Variants in DNAAF9 observed in about 807,000 individuals in gnomAD.
DNAAF9 encodes shulin.
Under a neutral mutation model 167.0 loss-of-function variants are expected in DNAAF9, and 90 were observed. The observed-to-expected ratio is 0.54, with a 90% CI of 0.45 to 0.64. The LOEUF (loss-of-function observed/expected upper bound fraction) is 0.64. Ranked by LOEUF, DNAAF9 falls within the 30% of genes least tolerant of loss-of-function variation. DNAAF9 has a pLI of 0.00. For synonymous variants in DNAAF9, 491 were observed against 508.8 expected (o/e 0.96, Z 0.47); for missense variants, 1,315 against 1,442.2 (o/e 0.91, Z 1.43).
Position 3,268,897 on chromosome 20 carries a change from CTTTT to C in DNAAF9, c.2786+1526_2786+1529del, listed in dbSNP as rs386393120. 8.3e-3 allele frequency among the ~76,000 whole-genome samples: 714 copies of C among 85,816 alleles called. 2 individuals carry two copies. The highest frequency in any genetic ancestry group is 0.02 in the Middle Eastern group (2 of 100). 56.3% of individuals were successfully genotyped at this position (85,816 alleles called of 152,430 possible). A position where few individuals can be genotyped will look rare whatever the true frequency, so the allele number is the denominator to read the frequency against. Reference sequence around the variant, plus strand: ...GTAAAGAGATAATATCTCTATGTTACTTTTTTTTTTTTTTTTTTTTTTTTGAGAC... The same window carrying C: ...GTAAAGAGATAATATCTCTATGTTACTTTTTTTTTTTTTTTTTTTTGAGAC... On this transcript the variant is annotated intron_variant, in intron 30 of 36. Coordinates refer to ENST00000252032, the MANE Select transcript of DNAAF9 (RefSeq NM_001009984.3).
chr20:3,351,778 T>C (rs1258388891), intron 7 of DNAAF9, among the ~76,000 whole-genome samples: 6 of 152,212 alleles, frequency 3.9e-5, no homozygotes, highest in Admixed American at 3.9e-4. Flanking sequence ...TGCTTTGCTT[T>C]ACAATAAGTT....
intron 20 of DNAAF9, among the ~76,000 whole-genome samples, chr20:3,305,710 G>A (rs891698547): frequency 3.3e-4 from 50 of 152,158 alleles, no homozygotes; most frequent in Admixed American, 1.3e-4. Flanking sequence ...CAGGGGACAG[G>A]AGAAGTGAAG....
intron 20 of DNAAF9, among the ~76,000 whole-genome samples, chr20:3,309,926 G>C (rs1369922979): frequency 6.6e-6 from 1 of 152,120 alleles, no homozygotes; most frequent in Non-Finnish European, 1.5e-5. Flanking sequence ...TGGGCGCAGT[G>C]GCTCACGTGT....
At chr20:3,302,619 G>T (rs1906558955) in intron 21 of DNAAF9, among the ~76,000 whole-genome samples, 1 of 152,166 alleles carries the variant, frequency 6.6e-6, no homozygotes, top group Non-Finnish European at 1.5e-5. Flanking sequence ...AGAGAACACA[G>T]CTATTTACAT....
At chr20:3,379,303 T>C (rs940285466) in intron 3 of DNAAF9, among the ~76,000 whole-genome samples, 3 of 151,078 alleles carry the variant, frequency 2.0e-5, no homozygotes, top group African/African-American at 7.3e-5. Flanking sequence ...ATGGGATGAA[T>C]ACGTAACCTA....
intron 27 of DNAAF9, among the ~76,000 whole-genome samples, chr20:3,285,848 C>T (rs191837362): frequency 7.1e-6 from 1 of 141,092 alleles, no homozygotes; most frequent in Non-Finnish European, 1.5e-5. Context: ...GGTGTGGTGG[C>T]GTGTGCCTGC....
chr20:3,287,689 G>A lies in DNAAF9; in HGVS notation c.2429C>T (p.Ser810Phe). Residue 810 changes from serine to phenylalanine, a missense_variant, in exon 27 of 37, where the codon TCT becomes TTT. Physicochemically the swap from Ser to Phe is radical, Grantham distance 155 (BLOSUM62 -2). Coordinates refer to ENST00000252032, the MANE Select transcript of DNAAF9 (RefSeq NM_001009984.3). ...SSALEAQQNRSARQSAYIRKK... is the reference protein window; with the variant it reads ...SSALEAQQNRFARQSAYIRKK... ...GCGGATGTAGGCTGACTGGCGCGCA[G>A]AGCGGTTCTGCTGGGCCTCTAGGGC... 1 of 1,614,258 alleles carries A rather than the reference G, an allele frequency of 6.2e-7. No individual in the cohort carries two copies. The highest frequency in any genetic ancestry group is 8.5e-7 in the Non-Finnish European group (1 of 1,180,024).
At chr20:3,278,826 G>A in intron 29 of DNAAF9, 86 bp downstream of exon 29, 1 of 989,850 alleles carries the variant, frequency 1.0e-6, no homozygotes, top group Non-Finnish European at 1.6e-6. Flanking sequence ...TTTCAGAATG[G>A]TAGGTAAGAG....
In DNAAF9 at chr20:3,297,923, T is replaced by C. The variant is rs559104548; in HGVS notation, c.1929+106A>G. ...CCACACCATCCAGCCCTCCTAACTCTCCCTCTCATCACTTCACTGTTAGCC... is the reference window on the plus strand; with the variant it reads ...CCACACCATCCAGCCCTCCTAACTCCCCCTCTCATCACTTCACTGTTAGCC... On this transcript the variant is annotated intron_variant, in intron 22 of 36. Transcript: ENST00000252032. 4.6e-6 allele frequency: 4 copies of C among 869,554 alleles called. No individual in the cohort carries two copies. The South Asian group carries it at 6.1e-5, about 13-fold the overall frequency. The allele number at this position is 869,554 out of a possible 1,614,324, so 53.9% of individuals were successfully genotyped here. A position where few individuals can be genotyped will look rare whatever the true frequency, so the allele number is the denominator to read the frequency against.
chr20:3,362,208 A>G, intron 6 of DNAAF9: 1 of 1,434,846 alleles, frequency 7.0e-7, no homozygotes, highest in Non-Finnish European at 9.7e-7. Flanking sequence ...TGTCTTCGTA[A>G]TCTTCTAGAC....
chr20:3,397,897 C>G (rs2083932684), intron 1 of DNAAF9, among the ~76,000 whole-genome samples: 2 of 152,140 alleles, frequency 1.3e-5, no homozygotes, highest in African/African-American at 4.8e-5. Flanking sequence ...TGTAGCTCTC[C>G]TTTGTGCTTT....
At chr20:3,358,034 TAAATA>T (rs1234532910) in intron 7 of DNAAF9, among the ~76,000 whole-genome samples, 2 of 151,838 alleles carry the variant, frequency 1.3e-5, no homozygotes, top group Non-Finnish European at 2.9e-5. Flanking sequence ...TTAAAATAAA[TAAATA>T]AAATAAAATT....
chr20:3,294,079 G>T lies in DNAAF9; in HGVS notation c.2238+60C>A, dbSNP rs868304052. ...TTGTTAACTGACACAAAAGATTCAG[G>T]GGCAGGCTCTCAAGATCATCTTCCT... On this transcript the variant is annotated intron_variant, in intron 25 of 36. Transcript: ENST00000252032. 7.2e-5 allele frequency: 67 copies of T among 931,018 alleles called. 1 individual carries two copies. In the Middle Eastern group the frequency reaches 7.0e-3, roughly 97 times the overall value. 57.7% of individuals were successfully genotyped at this position (931,018 alleles called of 1,614,324 possible).
chr20:3,332,177 C>A, intron 11 of DNAAF9, 103 bp downstream of exon 11: 2 of 665,654 alleles, frequency 3.0e-6, no homozygotes, highest in Non-Finnish European at 2.7e-6. Context: ...AATTGGGTAA[C>A]CTGAGCTTCC....
chr20:3,346,073 AACTT>A (rs1205674726), intron 8 of DNAAF9, among the ~76,000 whole-genome samples: 1 of 152,236 alleles, frequency 6.6e-6, no homozygotes, highest in Non-Finnish European at 1.5e-5. Context: ...GGAATGTTCA[AACTT>A]ACTAATACAG....
chr20:3,400,866 C>T (rs1029174990), intron 1 of DNAAF9, among the ~76,000 whole-genome samples: 1 of 152,158 alleles, frequency 6.6e-6, no homozygotes, highest in Non-Finnish European at 1.5e-5. Flanking sequence ...ATATATAGGC[C>T]TCTATCCCTG....
intron 10 of DNAAF9, among the ~76,000 whole-genome samples, chr20:3,333,894 C>T (rs1337030781): frequency 6.6e-6 from 1 of 152,168 alleles, no homozygotes; most frequent in East Asian, 1.9e-4. Context: ...ACATTTCTCT[C>T]AGGAAAGAAC....
At chr20:3,338,215 T>A (rs1474933404) in intron 10 of DNAAF9, among the ~76,000 whole-genome samples, 1 of 152,046 alleles carries the variant, frequency 6.6e-6, no homozygotes, top group Non-Finnish European at 1.5e-5. Context: ...TCCTTTTTCT[T>A]TTGAAGGATA....
At chr20:3,379,495 G>A (rs1027325171) in intron 3 of DNAAF9, among the ~76,000 whole-genome samples, 4 of 152,062 alleles carry the variant, frequency 2.6e-5, no homozygotes, top group Non-Finnish European at 4.4e-5. Context: ...TCGGGAGGCT[G>A]AGGCAGGAGA....
Sources: allele counts gnomAD v4.1 joint callset (sites outside exome capture counted in the v4.1 genomes callset), GRCh38; gene constraint gnomAD v4.1.1; transcripts MANE v1.5; gene names NCBI Gene and HGNC (gene_info 2026-07-23, HGNC 2026-07-21).